The following CHD4 variants were observed in gnomAD, a reference collection of about 807,000 sequenced individuals.
The protein encoded by CHD4 is chromodomain helicase DNA binding protein 4, also known as ATP-dependent chromatin remodeler CHD4.
Under a neutral mutation model 235.5 loss-of-function variants are expected in CHD4, and 35 were observed. The observed-to-expected ratio is 0.15, with a 90% CI of 0.11 to 0.20. CHD4 has a LOEUF of 0.20. Among genes scored for constraint, CHD4 ranks in the 10% least tolerant of loss-of-function variants. The probability of loss-of-function intolerance (pLI) is 1.00; values close to 1 mark genes in which losing one functional copy is unlikely to be tolerated. For missense variants in CHD4, 1,329 were observed against 2,432.3 expected (o/e 0.55, Z 9.54); for synonymous variants, 900 against 850.2 (o/e 1.06, Z -1.02).
chr12:6,601,204 G>A (rs1323947919), intron 6 of CHD4, 85 bp downstream of exon 6: 2 of 1,567,682 alleles, frequency 1.3e-6, no homozygotes, highest in Non-Finnish European at 1.7e-6. Context: ...CCTACCTTAG[G>A]GCTGACAGAC....
Position 6,581,107 on chromosome 12 carries a change from C to T in CHD4, c.4846G>A (p.Glu1616Lys), listed in dbSNP as rs1479444482. Reference protein sequence around the residue: ...KVVVEPPEGEEKVEKAEVKER... With the variant: ...KVVVEPPEGEKKVEKAEVKER... Reference sequence around the variant, plus strand: ...TTCACCTCTGCCTTTTCCACTTTCTCCTCTCCCTCAGGGGGTTCAACAACG... The same window carrying T: ...TTCACCTCTGCCTTTTCCACTTTCTTCTCTCCCTCAGGGGGTTCAACAACG... Residue 1616 changes from glutamate (E) to lysine (K), a missense_variant, in exon 33 of 40, where the codon GAG becomes AAG. Physicochemically the swap from Glu to Lys is moderately conservative, Grantham distance 56. Around this residue, in one of 26 missense-constraint regions of CHD4, gnomAD observed 219 missense variants for 219.3 expected, o/e 1.00. Coordinates refer to ENST00000544040, the MANE Select transcript of CHD4 (RefSeq NM_001273.5). The T allele has an allele frequency of 1.9e-6, 3 of 1,614,188 alleles. No individual in the cohort carries two copies. Among genetic ancestry groups the T allele is most frequent in the Admixed American group, 1.7e-5 (1 of 60,012 alleles).
chr12:6,599,179 G>A (rs1223138649), intron 10 of CHD4, among the ~76,000 whole-genome samples: 1 of 152,170 alleles, frequency 6.6e-6, no homozygotes, highest in African/African-American at 2.4e-5. Context: ...CACCTGTAAT[G>A]CCAGCACTTA....
At chr12:6,589,243 T>C (rs992009052) in intron 22 of CHD4, among the ~76,000 whole-genome samples, 7 of 152,116 alleles carry the variant, frequency 4.6e-5, no homozygotes, top group East Asian at 1.9e-4. Flanking sequence ...TAATAATCAT[T>C]GTAATCAAGG....
intron 2 of CHD4, among the ~76,000 whole-genome samples, chr12:6,605,730 TC>T (rs1948683582): frequency 6.6e-6 from 1 of 152,078 alleles, no homozygotes; most frequent in Non-Finnish European, 1.5e-5. Context: ...CTTTAAGCAC[TC>T]CAGATCCTGC....
Position 6,578,126 on chromosome 12 carries a change from G to A in CHD4, c.5131C>T (p.Leu1711Phe), listed in dbSNP as rs1948103957. The A allele has an allele frequency of 6.2e-7, 1 of 1,612,594 alleles. No homozygotes were observed. The highest frequency in any genetic ancestry group is 8.5e-7 in the Non-Finnish European group (1 of 1,179,990). ...GCTGCCCGCTCTTCATTCTGCCAAA[G>A]GGAGTGCAACTCTGAGGAGGAATTT... The part of the protein sequence containing the change: ...ADGGFTELHS[L>F]WQNEERAATV... Residue 1711 changes from leucine to phenylalanine, a missense_variant, in exon 36 of 40, where the codon CTT (leucine) becomes TTT (phenylalanine). Leu to Phe is a conservative substitution (Grantham distance 22). Transcript: ENST00000544040.
chr12:6,600,492 T>TC, intron 8 of CHD4, 42 bp downstream of exon 8: 3 of 789,330 alleles, frequency 3.8e-6, no homozygotes, highest in Non-Finnish European at 6.0e-6. Flanking sequence ...CCCCAATCAC[T>TC]CCCACCTCAT....
chr12:6,605,080 T>C (rs1948667418), intron 2 of CHD4, among the ~76,000 whole-genome samples: 1 of 152,150 alleles, frequency 6.6e-6, no homozygotes, highest in African/African-American at 2.4e-5. Context: ...ACCCCTCTCC[T>C]AAATGGCCTC....
At chr12:6,580,944 T>A (rs1592264076) in intron 33 of CHD4, 100 bp downstream of exon 33, 1 of 1,340,534 alleles carries the variant, frequency 7.5e-7, no homozygotes, top group Non-Finnish European at 1.0e-6. Context: ...GAGGTGGAGG[T>A]TGCAGTAAGC....
Position 6,578,561 on chromosome 12 carries a change from G to A in CHD4, c.4982-15C>T, listed in dbSNP as rs763962246. On this transcript the variant is annotated splice_polypyrimidine_tract_variant and intron_variant, in intron 34 of 39. Transcript: ENST00000544040. ...TTTCTTCTCTTCTACAGAATATGGG[G>A]AAGAAAAATGTCAGCTCCAGCCAAA... The A allele has an allele frequency of 8.7e-6, 14 of 1,607,986 alleles. No homozygotes were observed. The highest frequency in any genetic ancestry group is 3.4e-6 in the Non-Finnish European group (4 of 1,179,404).
In CHD4 at chr12:6,601,337, G is replaced by C. The variant is rs767257985; in HGVS notation, c.751C>G (p.Pro251Ala). ...TTGCGGATAGGCACCTCCACAGGGGGAGGTGGTGGTGCAACCTCAGTGGCT... is the reference window on the plus strand; with the variant it reads ...TTGCGGATAGGCACCTCCACAGGGGCAGGTGGTGGTGCAACCTCAGTGGCT... The part of the protein sequence containing the change: ...VTATEVAPPP[P>A]PVEVPIRKAK... The change falls in exon 6 of 40, where the codon CCC becomes GCC. Residue 251 changes from proline to alanine, a missense_variant. By Grantham distance (27) the Pro-to-Ala change is conservative. Around this residue, in one of 26 missense-constraint regions of CHD4, gnomAD observed 160 missense variants for 196.6 expected, o/e 0.81. Transcript: ENST00000544040. 29 of 1,614,140 alleles carry C rather than the reference G, an allele frequency of 1.8e-5. No individual in the cohort carries two copies. The Admixed American group carries it at 4.8e-4, about 27-fold the overall frequency.
intron 37 of CHD4, among the ~76,000 whole-genome samples, chr12:6,575,565 CCTTT>C (rs1948056606): frequency 6.6e-6 from 1 of 151,806 alleles, no homozygotes; most frequent in Non-Finnish European, 1.5e-5. Context: ...GGTGTTGTTT[CCTTT>C]ATCTTTACCC....
Position 6,578,400 on chromosome 12 carries a change from T to C in CHD4, c.5119+9A>G. 5 of 1,611,474 alleles carry C rather than the reference T, an allele frequency of 3.1e-6. No homozygotes were observed. Among genetic ancestry groups the C allele is most frequent in the Non-Finnish European group, 4.2e-6 (5 of 1,179,362 alleles). On this transcript the variant is annotated intron_variant, in intron 35 of 39. Coordinates refer to ENST00000544040, the MANE Select transcript of CHD4 (RefSeq NM_001273.5). ...CCTTCTAACCCTGGTGGGCCCCTCATTTCCATACCAGTAAAACCACCATCT... is the reference window on the plus strand; with the variant it reads ...CCTTCTAACCCTGGTGGGCCCCTCACTTCCATACCAGTAAAACCACCATCT...
At chr12:6,584,153 C>T (rs1176395475) in intron 25 of CHD4, 1 of 151,994 alleles carries the variant, frequency 6.6e-6, no homozygotes, top group Non-Finnish European at 1.5e-5. Flanking sequence ...TTTTTCTTGT[C>T]ATTATTCCCT....
chr12:6,585,481 ATCG>A (rs1268271310), intron 25 of CHD4, among the ~76,000 whole-genome samples: 1 of 151,536 alleles, frequency 6.6e-6, no homozygotes, highest in Non-Finnish European at 1.5e-5. Context: ...ACGGGGTTTC[ATCG>A]TGTTAGCCAG....
intron 37 of CHD4, 107 bp from the exon 38 acceptor site, chr12:6,573,376 C>T: frequency 2.2e-6 from 2 of 899,158 alleles, no homozygotes; most frequent in Non-Finnish European, 3.2e-6. Context: ...TAATAAGAAC[C>T]TATGAAGAAC....
Position 6,587,575 on chromosome 12 carries a change from G to A in CHD4, c.3704-16C>T. ...TTGTCTCCTCCTATAAAAAATCAAG[G>A]GCCCACATCCCCAAAGTCAGTTTCA... is the stretch of plus-strand genomic sequence containing the variant. On this transcript the variant is annotated splice_polypyrimidine_tract_variant and intron_variant, in intron 24 of 39. Transcript: ENST00000544040. The A allele has an allele frequency of 1.2e-6, 2 of 1,612,804 alleles. No individual in the cohort carries two copies. The highest frequency in any genetic ancestry group is 1.7e-6 in the Non-Finnish European group (2 of 1,179,350).
intron 30 of CHD4, 21 bp downstream of exon 30, chr12:6,582,116 G>T: frequency 6.5e-7 from 1 of 1,529,338 alleles, no homozygotes; most frequent in South Asian, 1.2e-5. Context: ...TAGAAACAAT[G>T]GCAAGAGGCT....
rs112636750 is a variant in CHD4 at position 6,570,660 on chromosome 12, G to T, written c.*16C>A. ...AGGTCACTGCTCAGCGGTGGAGGTGGTATCAGTCTGCATCTTCACTGCTGC... is the reference window on the plus strand; with the variant it reads ...AGGTCACTGCTCAGCGGTGGAGGTGTTATCAGTCTGCATCTTCACTGCTGC... On this transcript the variant is annotated 3_prime_UTR_variant, in exon 40 of 40. Coordinates refer to ENST00000544040, the MANE Select transcript of CHD4 (RefSeq NM_001273.5). The T allele has an allele frequency of 6.2e-7, 1 of 1,614,130 alleles. No homozygotes were observed. The highest frequency in any genetic ancestry group is 1.3e-5 in the African/African-American group (1 of 75,034).
chr12:6,588,453 G>GT, intron 22 of CHD4, 31 bp from the exon 23 acceptor site: 1 of 1,608,970 alleles, frequency 6.2e-7, no homozygotes, highest in South Asian at 1.1e-5. Flanking sequence ...ACCATTAGAA[G>GT]TGTCTCCTAA....
Sources: gnomAD v4.1 joint callset for allele counts (sites outside exome capture counted in the v4.1 genomes callset) on GRCh38, gnomAD v4.1.1 for gene constraint, gnomAD v4.1.1 regional missense constraint, MANE v1.5 for transcripts, NCBI Gene and HGNC (gene_info 2026-07-23, HGNC 2026-07-21) for gene names.